Variants in MANSC1 observed in about 807,000 individuals in gnomAD.
MANSC1 encodes MANSC domain-containing protein 1.
MANSC1 carries 13 observed loss-of-function variants against 14.1 expected under a neutral mutation model. That is an observed-to-expected ratio of 0.92 (90% CI 0.60 to 1.46). MANSC1 has a LOEUF of 1.46. MANSC1 is among the 40% of genes most tolerant of loss of function. MANSC1 has a pLI of 0.00. For missense variants in MANSC1, 486 were observed against 511.4 expected (o/e 0.95, Z 0.48); for synonymous variants, 227 against 200.7 (o/e 1.13, Z -1.11).
At chr12:12,348,682 A>T (rs997465284) in intron 1 of MANSC1, among the ~76,000 whole-genome samples, 2 of 150,890 alleles carry the variant, frequency 1.3e-5, no homozygotes, top group Non-Finnish European at 2.9e-5. Context: ...ACATTATGTG[A>T]ACTATGGACT....
Position 12,330,848 on chromosome 12 carries a change from C to T in MANSC1, c.475G>A (p.Asp159Asn), listed in dbSNP as rs1318334031. 4 of 1,613,992 alleles carry T rather than the reference C, an allele frequency of 2.5e-6. No homozygotes were observed. The highest frequency in any genetic ancestry group is 2.5e-6 in the Non-Finnish European group (3 of 1,179,966). Reference sequence around the variant, plus strand: ...GAGATATCGGTGGGCTTTGAATAATCTGTGTGATGATGGGCTAGGGGAGTG... The same window carrying T: ...GAGATATCGGTGGGCTTTGAATAATTTGTGTGATGATGGGCTAGGGGAGTG... ...AVTPLAHHHTDYSKPTDISWR... is the reference protein window; with the variant it reads ...AVTPLAHHHTNYSKPTDISWR... Residue 159 changes from aspartate to asparagine, a missense_variant, in exon 4 of 4, where the codon GAT becomes AAT. Coordinates refer to ENST00000535902, the MANE Select transcript of MANSC1 (RefSeq NM_018050.4).
chr12:12,338,304 T>G (rs1862884576), intron 3 of MANSC1, 116 bp downstream of exon 3: 4 of 844,492 alleles, frequency 4.7e-6, no homozygotes, highest in Non-Finnish European at 6.8e-6. Context: ...TGAGATTTTC[T>G]GATATGTCTG....
chr12:12,343,136 T>A lies in MANSC1; in HGVS notation c.179A>T (p.Gln60Leu). 6.2e-7 allele frequency: 1 copy of A among 1,613,864 alleles called. No individual in the cohort carries two copies. The highest frequency in any genetic ancestry group is 8.5e-7 in the Non-Finnish European group (1 of 1,179,792). ...ACAGCAAGAATTAATGCAGTCTTCT[T>A]GAGTTGAAGTATATACGGGCTCATT... ...RGNEPVYTSTQEDCINSCCST... is the reference protein window; with the variant it reads ...RGNEPVYTSTLEDCINSCCST... The change falls in exon 2 of 4, where the codon CAA becomes CTA. Residue 60 changes from glutamine (Q) to leucine (L), a missense_variant. Gln to Leu is a moderately radical substitution (Grantham distance 113, BLOSUM62 -2). Coordinates refer to ENST00000535902, the MANE Select transcript of MANSC1 (RefSeq NM_018050.4).
rs1862723058 is a variant in MANSC1, at chr12:12,327,493, C to T, written c.*2534G>A. 6.6e-6 allele frequency: 1 copy of T among 152,204 alleles called. No homozygotes were observed. The highest frequency in any genetic ancestry group is 2.1e-4 in the South Asian group (1 of 4,826). The allele number at this position is 152,204 out of a possible 1,614,324, so 9.4% of individuals were successfully genotyped here. A position where few individuals can be genotyped will look rare whatever the true frequency, so the allele number is the denominator to read the frequency against. ...ATCTGGACCGCTCCCATGTGGTCTC[C>T]CCATCACAACAAAGACTGCAGCAAG... On this transcript the variant is annotated 3_prime_UTR_variant, in exon 4 of 4. Transcript: ENST00000535902.
intron 1 of MANSC1, 99 bp from the exon 2 acceptor site, chr12:12,343,513 A>G: frequency 1.9e-6 from 1 of 540,044 alleles, no homozygotes; most frequent in Admixed American, 3.4e-5. Flanking sequence ...GGATCCACAT[A>G]CAATTTAGAG....
At chr12:12,333,837 T>C (rs1862823463) in intron 3 of MANSC1, among the ~76,000 whole-genome samples, 1 of 152,196 alleles carries the variant, frequency 6.6e-6, no homozygotes, top group Non-Finnish European at 1.5e-5. Flanking sequence ...TGACATGCCA[T>C]GAAGCTGCCA....
Position 12,345,023 on chromosome 12 carries a change from A to G in MANSC1, c.-100-1609T>C, listed in dbSNP as rs116389994. On this transcript the variant is annotated intron_variant, in intron 1 of 3. Coordinates refer to ENST00000535902, the MANE Select transcript of MANSC1 (RefSeq NM_018050.4). ...TGACTAATACAACAACCTTGCAAAA[A>G]AGCTATTATTGGCCGGGTGCGGTGG... Among the ~76,000 whole-genome samples, 1,266 of 137,568 alleles carry G rather than the reference A, an allele frequency of 9.2e-3. 21 individuals carry two copies. The highest frequency in any genetic ancestry group is 0.033 in the Middle Eastern group (9 of 276). 90.2% of individuals were successfully genotyped at this position (137,568 alleles called of 152,430 possible).
At chr12:12,349,918 A>T (rs997529690) in intron 1 of MANSC1, among the ~76,000 whole-genome samples, 160 bp downstream of exon 1, 1 of 152,158 alleles carries the variant, frequency 6.6e-6, no homozygotes, top group Non-Finnish European at 1.5e-5. Flanking sequence ...GCAGCGACTC[A>T]AGGATCCTGG....
intron 3 of MANSC1, among the ~76,000 whole-genome samples, chr12:12,337,036 T>G (rs1252013171): frequency 6.6e-6 from 1 of 150,780 alleles, no homozygotes; most frequent in African/African-American, 2.4e-5. Context: ...TTTGGGAGGC[T>G]AAGGAGGGTG....
rs114480612 is a variant in MANSC1 at position 12,344,289 on chromosome 12, G to T, written c.-100-875C>A. 3.1e-3 allele frequency among the ~76,000 whole-genome samples: 466 copies of T among 152,162 alleles called. 2 individuals carry two copies. Among genetic ancestry groups the T allele is most frequent in the Middle Eastern group, 0.027 (8 of 294 alleles). ...ACTTGATTTGATTAAAGGATACAAA[G>T]TATTGATTCCGGGTGTGTCTGTGAG... On this transcript the variant is annotated intron_variant, in intron 1 of 3. Coordinates refer to ENST00000535902, the MANE Select transcript of MANSC1 (RefSeq NM_018050.4).
At chr12:12,337,671 T>G (rs1862876659) in intron 3 of MANSC1, among the ~76,000 whole-genome samples, 2 of 152,180 alleles carry the variant, frequency 1.3e-5, no homozygotes, top group Admixed American at 1.3e-4. Context: ...CTAAGCAACA[T>G]TAATTTGTTT....
chr12:12,336,235 A>G (rs1419375364), intron 3 of MANSC1, among the ~76,000 whole-genome samples: 1 of 152,156 alleles, frequency 6.6e-6, no homozygotes, highest in Non-Finnish European at 1.5e-5. Context: ...CTCTCTGCGT[A>G]TTTCACAATG....
rs138623875 is a variant in MANSC1 at position 12,330,510 on chromosome 12, T to C, written c.813A>G (p.Val271=). The C allele has an allele frequency of 3.7e-6, 6 of 1,614,146 alleles. No homozygotes were observed. The highest frequency in any genetic ancestry group is 1.7e-5 in the Admixed American group (1 of 60,000). ...TGGGAGGCTGAGAAGTGACAGTGGT[T>C]ACAGGTGGAGCTGTGGTGGCCAGCT... The part of the protein sequence containing the change: ...QPQLATTAPP[V]TTVTSQPPTT... Residue 271 remains valine (V), a synonymous_variant, in exon 4 of 4, where the codon GTA becomes GTG. Transcript: ENST00000535902.
Position 12,343,140 on chromosome 12 carries a change from T to G in MANSC1, c.175A>C (p.Thr59Pro). Residue 59 changes from threonine (T) to proline (P), a missense_variant, in exon 2 of 4, where the codon ACT (threonine) becomes CCT (proline). Transcript: ENST00000535902. ...CAAGAATTAATGCAGTCTTCTTGAGTTGAAGTATATACGGGCTCATTGCCT... is the reference window on the plus strand; with the variant it reads ...CAAGAATTAATGCAGTCTTCTTGAGGTGAAGTATATACGGGCTCATTGCCT... ...IRGNEPVYTS[T>P]QEDCINSCCS... The G allele has an allele frequency of 1.2e-6, 2 of 1,614,028 alleles. No individual in the cohort carries two copies. The highest frequency in any genetic ancestry group is 1.7e-6 in the Non-Finnish European group (2 of 1,179,914).
chr12:12,347,267 A>G lies in MANSC1; in HGVS notation c.-101+2811T>C, dbSNP rs540988100. The stretch of plus-strand genomic sequence containing the variant: ...TCTGGGGGTGATGGGAGACAGTGAC[A>G]GATCATCAGGCATTAGATTCTCATA... On this transcript the variant is annotated intron_variant, in intron 1 of 3. Transcript: ENST00000535902. Among the ~76,000 whole-genome samples, 592 of 152,346 alleles carry G rather than the reference A, an allele frequency of 3.9e-3. 4 individuals carry two copies. The highest frequency in any genetic ancestry group is 0.01 in the Middle Eastern group (3 of 294).
Position 12,329,119 on chromosome 12 carries a change from C to G in MANSC1, c.*908G>C, listed in dbSNP as rs1343834111. ...TGGGCTAACATTCCGCTAGATTCTC[C>G]CAAGTGAAGCTCTTTGCTCACTGAT... On this transcript the variant is annotated 3_prime_UTR_variant, in exon 4 of 4. Transcript: ENST00000535902. 6.6e-6 allele frequency: 1 copy of G among 152,038 alleles called. No individual in the cohort carries two copies. The highest frequency in any genetic ancestry group is 2.4e-5 in the African/African-American group (1 of 41,474). The allele number at this position is 152,038 out of a possible 1,614,324, so 9.4% of individuals were successfully genotyped here. A position where few individuals can be genotyped will look rare whatever the true frequency, so the allele number is the denominator to read the frequency against.
chr12:12,334,312 C>G (rs1172112649), intron 3 of MANSC1, among the ~76,000 whole-genome samples: 1 of 151,276 alleles, frequency 6.6e-6, no homozygotes, highest in Non-Finnish European at 1.5e-5. Flanking sequence ...GAGAGAGAGA[C>G]AGAAAAGAAA....
Position 12,343,151 on chromosome 12 carries a change from A to T in MANSC1, c.164T>A (p.Val55Glu). The T allele has an allele frequency of 6.2e-7, 1 of 1,614,034 alleles. No individual in the cohort carries two copies. Among genetic ancestry groups the T allele is most frequent in the Non-Finnish European group, 8.5e-7 (1 of 1,179,910 alleles). ...GCAGTCTTCTTGAGTTGAAGTATATACGGGCTCATTGCCTCTGATTCCCTT... is the reference window on the plus strand; with the variant it reads ...GCAGTCTTCTTGAGTTGAAGTATATTCGGGCTCATTGCCTCTGATTCCCTT... The part of the protein sequence containing the change: ...LSKGIRGNEP[V>E]YTSTQEDCIN... The change falls in exon 2 of 4, where the codon GTA becomes GAA. Residue 55 changes from valine (V) to glutamate (E), a missense_variant. Coordinates refer to ENST00000535902, the MANE Select transcript of MANSC1 (RefSeq NM_018050.4).
chr12:12,339,048 T>A, intron 2 of MANSC1: 1 of 171,928 alleles, frequency 5.8e-6, no homozygotes, highest in South Asian at 1.3e-4. Flanking sequence ...TGACTACTGA[T>A]GTGCTATGAA....
Sources: allele counts gnomAD v4.1 joint callset (sites outside exome capture counted in the v4.1 genomes callset), GRCh38; gene constraint gnomAD v4.1.1; transcripts MANE v1.5; gene names NCBI Gene and HGNC (gene_info 2026-07-23, HGNC 2026-07-21).